The following GRM7 variants were observed in gnomAD, a reference collection of about 807,000 sequenced individuals.
The protein encoded by GRM7 is metabotropic glutamate receptor 7.
A neutral mutation model predicts 84.5 loss-of-function variants in GRM7; 35 were observed. The ratio of observed to expected loss-of-function variants is 0.41; its 90% CI spans 0.32 to 0.55. The LOEUF is 0.55. GRM7 is among the 20% of genes least tolerant of loss of function. The probability of loss-of-function intolerance (pLI) is 0.19; values close to 1 mark genes in which losing one functional copy is unlikely to be tolerated. For missense variants in GRM7, 1,003 were observed against 1,194.6 expected, an observed-to-expected ratio of 0.84 and a Z score of 2.36; for synonymous variants, 487 against 455.1, an observed-to-expected ratio of 1.07 and a Z score of -0.89.
chr3:6,975,178 GTCT>G (rs1693941295), intron 1 of GRM7, among the ~76,000 whole-genome samples: 1 of 152,136 alleles, frequency 6.6e-6, no homozygotes, highest in South Asian at 2.1e-4. Context: ...ATCTCCTGAG[GTCT>G]TCTATTTTCT....
chr3:6,889,989 ATTTCTTCTAGATTTTCTAGTTT>A (rs1695868196), intron 1 of GRM7, among the ~76,000 whole-genome samples: 1 of 152,034 alleles, frequency 6.6e-6, no homozygotes, highest in African/African-American at 2.4e-5. Flanking sequence ...GAATTTATCC[ATTTCTTCTAGATTTTCTAGTTT>A]ATTTGCGTAG....
At chr3:7,098,209 A>G (rs758411769) in intron 1 of GRM7, among the ~76,000 whole-genome samples, 2 of 152,102 alleles carry the variant, frequency 1.3e-5, no homozygotes, top group African/African-American at 4.8e-5. Context: ...GCCAGGAAAT[A>G]TAATGTATAG....
chr3:7,640,406 G>T (rs1295284554), intron 8 of GRM7, among the ~76,000 whole-genome samples: 1 of 152,194 alleles, frequency 6.6e-6, no homozygotes, highest in Admixed American at 6.5e-5. Flanking sequence ...CTTGTGTGAT[G>T]AAATTCTGCA....
At chr3:7,523,996 A>G (rs1046696825) in intron 7 of GRM7, among the ~76,000 whole-genome samples, 1 of 152,124 alleles carries the variant, frequency 6.6e-6, no homozygotes, top group African/African-American at 2.4e-5. Context: ...CCCCTCTTCT[A>G]TCTTGCTCCT....
intron 1 of GRM7, among the ~76,000 whole-genome samples, chr3:7,085,279 C>T (rs1207140294): frequency 1.3e-5 from 2 of 152,136 alleles, no homozygotes; most frequent in Admixed American, 1.3e-4. Flanking sequence ...ATCCAGATAC[C>T]TGAGTTATAT....
intron 1 of GRM7, among the ~76,000 whole-genome samples, chr3:6,942,567 T>G (rs1697929163): frequency 6.6e-6 from 1 of 152,178 alleles, no homozygotes; most frequent in South Asian, 2.1e-4. Context: ...AATAGTGTAT[T>G]CCTTTTAAGT....
At chr3:7,408,039 G>A (rs965985139) in intron 4 of GRM7, among the ~76,000 whole-genome samples, 1 of 151,908 alleles carries the variant, frequency 6.6e-6, no homozygotes, top group East Asian at 1.9e-4. Flanking sequence ...TATTATCATC[G>A]TCCCCATTTT....
At chr3:6,874,003 A>T (rs1267828021) in intron 1 of GRM7, among the ~76,000 whole-genome samples, 1 of 152,244 alleles carries the variant, frequency 6.6e-6, no homozygotes, top group Non-Finnish European at 1.5e-5. Context: ...AGTAATTGAG[A>T]CCAAGCCAGG....
At chr3:6,904,579 G>A (rs1251062497) in intron 1 of GRM7, among the ~76,000 whole-genome samples, 3 of 152,094 alleles carry the variant, frequency 2.0e-5, no homozygotes, top group Admixed American at 2.0e-4. Flanking sequence ...GTAATTCAAC[G>A]TTCTCAACAG....
intron 1 of GRM7, among the ~76,000 whole-genome samples, chr3:6,972,600 G>T (rs941223446): frequency 6.6e-6 from 1 of 152,192 alleles, no homozygotes; most frequent in Admixed American, 6.5e-5. Flanking sequence ...CTATTGGCAA[G>T]AACTTGTGAA....
chr3:6,877,994 A>T (rs1359220678), intron 1 of GRM7, among the ~76,000 whole-genome samples: 1 of 151,528 alleles, frequency 6.6e-6, no homozygotes, highest in African/African-American at 2.4e-5. Context: ...CTATCTACAG[A>T]TATATTTGCT....
chr3:7,306,659 G>A lies in GRM7; in HGVS notation c.1033+7G>A, dbSNP rs551795989. On this transcript the variant is annotated splice_region_variant and intron_variant, in intron 4 of 9. Coordinates refer to ENST00000357716, the MANE Select transcript of GRM7 (RefSeq NM_000844.4). Reference sequence around the variant, plus strand: ...AAGCGAGCCACGGTGGAAGGTATGGGTTTCATCAGCAGTAGGTTTGCTGAG... The same window carrying A: ...AAGCGAGCCACGGTGGAAGGTATGGATTTCATCAGCAGTAGGTTTGCTGAG... The A allele has an allele frequency of 6.3e-7, 1 of 1,583,280 alleles. No individual in the cohort carries two copies. The highest frequency in any genetic ancestry group is 8.6e-7 in the Non-Finnish European group (1 of 1,163,866).
At chr3:6,899,195 C>G (rs1416236608) in intron 1 of GRM7, among the ~76,000 whole-genome samples, 2 of 152,142 alleles carry the variant, frequency 1.3e-5, no homozygotes, top group Non-Finnish European at 2.9e-5. Context: ...TGATACTGTG[C>G]TAGTTCTTTT....
At position 6,862,779 on chromosome 3, in the gene GRM7, G is replaced by T. The variant is rs577040160; in HGVS notation, c.519+872G>T. ...GACGCAGACCCCAAGCCAAATCCTC[G>T]GCTTGGAGGACGATTCCCGGAGCGA... On this transcript the variant is annotated intron_variant, in intron 1 of 9. Transcript: ENST00000357716. This position sits in a 1 kb window ranked among gnomAD's most constrained non-coding sequence, Gnocchi z 5.2. The T allele has an allele frequency of 9.2e-4, 283 of 307,232 alleles. No homozygotes were observed. The highest frequency in any genetic ancestry group is 2.2e-3 in the Middle Eastern group (2 of 890). The allele number at this position is 307,232 out of a possible 1,614,324, so 19.0% of individuals were successfully genotyped here. A position where few individuals can be genotyped will look rare whatever the true frequency, so the allele number is the denominator to read the frequency against.
chr3:6,974,066 G>T (rs1464433769), intron 1 of GRM7, among the ~76,000 whole-genome samples: 5 of 152,122 alleles, frequency 3.3e-5, no homozygotes, highest in Non-Finnish European at 5.9e-5. Flanking sequence ...GAAGCGATTG[G>T]ATTCTGGACA....
intron 5 of GRM7, among the ~76,000 whole-genome samples, chr3:7,417,759 A>G: frequency 6.6e-6 from 1 of 152,152 alleles, no homozygotes; most frequent in East Asian, 1.9e-4. Context: ...AGCACAAATT[A>G]AAATGTAGGC....
chr3:6,866,304 T>C (rs1156808896), intron 1 of GRM7, among the ~76,000 whole-genome samples: 2 of 152,030 alleles, frequency 1.3e-5, no homozygotes, highest in East Asian at 3.9e-4. Flanking sequence ...CCTAAATAAA[T>C]CTCTTAATTT....
intron 1 of GRM7, among the ~76,000 whole-genome samples, chr3:6,959,203 G>T (rs1365088226): frequency 6.6e-6 from 1 of 152,186 alleles, no homozygotes; most frequent in Non-Finnish European, 1.5e-5. Context: ...TACAGAGGAA[G>T]AAAGGAAAGC....
intron 1 of GRM7, among the ~76,000 whole-genome samples, chr3:7,057,166 G>C (rs1453965311): frequency 6.6e-6 from 1 of 151,948 alleles, no homozygotes; most frequent in East Asian, 1.9e-4. Context: ...GTTGAAATTA[G>C]TAGATTGTAA....
Sources: gnomAD v4.1 joint callset for allele counts (sites outside exome capture counted in the v4.1 genomes callset) on GRCh38, gnomAD v4.1.1 for gene constraint, Gnocchi (gnomAD v3.1) non-coding constraint, MANE v1.5 for transcripts, NCBI Gene and HGNC (gene_info 2026-07-23, HGNC 2026-07-21) for gene names.